The following HSDL2 variants were observed in gnomAD, a reference collection of about 807,000 sequenced individuals.
HSDL2 encodes the protein hydroxysteroid dehydrogenase-like protein 2.
In HSDL2, 27 loss-of-function variants were observed where a neutral mutation model predicts 46.3. That is an observed-to-expected ratio of 0.58 (90% confidence interval 0.43 to 0.80). The LOEUF is 0.80. Among genes scored for constraint, HSDL2 ranks in the 30% least tolerant of loss-of-function variants. The pLI is 0.00. For missense variants in HSDL2, 451 were observed against 502.7 expected (o/e 0.90, Z 0.98); for synonymous variants, 153 against 163.6 (o/e 0.94, Z 0.50).
At chr9:112,418,562 CAAA>C (rs59788116) in intron 5 of HSDL2, among the ~76,000 whole-genome samples, 6 of 127,726 alleles carry the variant, frequency 4.7e-5, no homozygotes, top group African/African-American at 5.7e-5. Flanking sequence ...CAGCCTGTCT[CAAA>C]AAAAAAAAAA....
At chr9:112,450,417 G>T (rs9886705) in intron 8 of HSDL2, among the ~76,000 whole-genome samples, 18 of 151,914 alleles carry the variant, frequency 1.2e-4, no homozygotes, top group Non-Finnish European at 1.5e-5. Flanking sequence ...ATCACCTGAG[G>T]TCGGGAGTTC....
intron 6 of HSDL2, among the ~76,000 whole-genome samples, chr9:112,424,509 G>T (rs73535991): frequency 0.018 from 2,689 of 151,740 alleles, 92 homozygotes; most frequent in African/African-American, 0.062. Flanking sequence ...TTACATCCTT[G>T]GTTTCCTTTT....
Position 112,418,953 on chromosome 9 carries a change from A to G in HSDL2, c.593A>G (p.Lys198Arg). Residue 198 changes from lysine to arginine, a missense_variant, in exon 6 of 11, where the codon AAA becomes AGA. Transcript: ENST00000398805. ...GEIAVNALWP[K>R]TAIHTAAMDM... is the part of the protein sequence containing the mutation. ...ATTGCAGTCAATGCATTATGGCCTAAAACAGGTATGTATTTTTAAAAACTT... is the reference window on the plus strand; with the variant it reads ...ATTGCAGTCAATGCATTATGGCCTAGAACAGGTATGTATTTTTAAAAACTT... The G allele has an allele frequency of 6.4e-7, 1 of 1,556,250 alleles. No individual in the cohort carries two copies. Among genetic ancestry groups the G allele is most frequent in the African/African-American group, 1.4e-5 (1 of 73,766 alleles).
In HSDL2 at chr9:112,394,728, CAGACTTGAGTTTCTAGATGG is replaced by C. The variant is rs145085413; in HGVS notation, c.18-9265_18-9246del. 7.7e-3 allele frequency among the ~76,000 whole-genome samples: 1,178 copies of C among 152,236 alleles called. 19 individuals are homozygous for C. The highest frequency in any genetic ancestry group is 0.027 in the African/African-American group (1,106 of 41,518). On this transcript the variant is annotated intron_variant, in intron 1 of 10. Transcript: ENST00000398805. The stretch of plus-strand genomic sequence containing the variant: ...TGATCTCTCCGGAAGGTAAGCAGCC[CAGACTTGAGTTTCTAGATGG>C]ATACAACCAGGTGGATGTCCGAGGC...
rs558549474 is a variant in HSDL2, at chr9:112,407,250, G to A, written c.280+1528G>A. On this transcript the variant is annotated intron_variant, in intron 3 of 10. Coordinates refer to ENST00000398805, the MANE Select transcript of HSDL2 (RefSeq NM_032303.5). ...GGGCGCTAAATGTGAAATGTGCCAC[G>A]CTCAAATGCAGGATATTTTATCTAA... Among the ~76,000 whole-genome samples the A allele has an allele frequency of 3.9e-5, 6 of 152,278 alleles. 1 individual carries two copies. In the South Asian group the frequency reaches 1.2e-3, roughly 32 times the overall value.
intron 6 of HSDL2, 45 bp downstream of exon 6, chr9:112,419,003 T>C (rs1832059895): frequency 1.0e-6 from 1 of 971,016 alleles, no homozygotes; most frequent in Middle Eastern, 2.3e-4. Context: ...TCATGTATTG[T>C]CCTTGACACT....
At chr9:112,438,853 TATAA>T in intron 7 of HSDL2, 3 of 218,710 alleles carry the variant, frequency 1.4e-5, no homozygotes, top group Non-Finnish European at 1.7e-5. Flanking sequence ...TATATATATA[TATAA>T]GCACAGAAAG....
At position 112,470,644 on chromosome 9, in the gene HSDL2, G is replaced by T. The variant is rs991243968; in HGVS notation, c.*100G>T. 9 of 631,706 alleles carry T rather than the reference G, an allele frequency of 1.4e-5. No homozygotes were observed. Among genetic ancestry groups the T allele is most frequent in the African/African-American group, 1.9e-5 (1 of 53,372 alleles). The allele number at this position is 631,706 out of a possible 1,614,324, so 39.1% of individuals were successfully genotyped here. On this transcript the variant is annotated 3_prime_UTR_variant, in exon 11 of 11. Coordinates refer to ENST00000398805, the MANE Select transcript of HSDL2 (RefSeq NM_032303.5). ...GTTTTCTTTCCTGTTATATTATAAG[G>T]ATATGCACGTTTGTTCTGGAAAAGA... is the stretch of plus-strand genomic sequence containing the variant.
chr9:112,428,821 G>A (rs937589193), intron 6 of HSDL2, among the ~76,000 whole-genome samples: 2 of 152,138 alleles, frequency 1.3e-5, no homozygotes, highest in African/African-American at 4.8e-5. Flanking sequence ...GAGTTAGGAA[G>A]TTAAAAAGGG....
intron 2 of HSDL2, among the ~76,000 whole-genome samples, chr9:112,405,291 G>A (rs951860083): frequency 2.0e-5 from 3 of 152,196 alleles, no homozygotes; most frequent in South Asian, 4.1e-4. Flanking sequence ...GATTGAGGCT[G>A]CAGTGAGCTG....
intron 1 of HSDL2, among the ~76,000 whole-genome samples, chr9:112,392,650 T>C (rs989712092): frequency 2.0e-5 from 3 of 152,226 alleles, no homozygotes; most frequent in Non-Finnish European, 4.4e-5. Flanking sequence ...TCTTTTTGCC[T>C]GACCCCACAG....
chr9:112,457,386 G>A (rs1049534845), intron 9 of HSDL2, among the ~76,000 whole-genome samples: 3 of 152,050 alleles, frequency 2.0e-5, no homozygotes, highest in East Asian at 1.9e-4. Flanking sequence ...AATTTTAAAC[G>A]TTGCCTGTAA....
intron 6 of HSDL2, among the ~76,000 whole-genome samples, chr9:112,429,275 T>C (rs903200594): frequency 6.6e-6 from 1 of 152,196 alleles, no homozygotes; most frequent in African/African-American, 2.4e-5. Context: ...CACTATTCAG[T>C]TGTTATGCAT....
Position 112,459,569 on chromosome 9 carries a change from T to G in HSDL2, c.1136T>G (p.Met379Arg), listed in dbSNP as rs1833141545. The stretch of plus-strand genomic sequence containing the variant: ...ATGACTACTGATGACTTTGTAAAAA[T>G]GTTTTCAGGTGAGTTTTCCAGTTTA... ...MSMTTDDFVKMFSGKLKPTMA... is the reference protein window; with the variant it reads ...MSMTTDDFVKRFSGKLKPTMA... The change falls in exon 10 of 11, where the codon ATG becomes AGG. Residue 379 changes from methionine to arginine, a missense_variant. Transcript: ENST00000398805. 6.2e-7 allele frequency: 1 copy of G among 1,613,390 alleles called. No individual in the cohort carries two copies.
chr9:112,439,154 C>T (rs1832590349), intron 7 of HSDL2, among the ~76,000 whole-genome samples: 1 of 152,198 alleles, frequency 6.6e-6, no homozygotes, highest in African/African-American at 2.4e-5. Flanking sequence ...GCATGTGCCA[C>T]CACACCTGGT....
chr9:112,463,388 G>A (rs1309397910), intron 10 of HSDL2, among the ~76,000 whole-genome samples: 4 of 151,522 alleles, frequency 2.6e-5, no homozygotes, highest in Non-Finnish European at 4.4e-5. Context: ...GATTACAGGC[G>A]AGAGCCACTG....
chr9:112,453,149 A>G (rs934729140), intron 8 of HSDL2, among the ~76,000 whole-genome samples: 1 of 152,180 alleles, frequency 6.6e-6, no homozygotes, highest in African/African-American at 2.4e-5. Context: ...GGGTCAATCC[A>G]TGGGTGAAAG....
At chr9:112,439,807 C>G (rs1005485265) in intron 7 of HSDL2, among the ~76,000 whole-genome samples, 2 of 152,234 alleles carry the variant, frequency 1.3e-5, no homozygotes, top group Non-Finnish European at 2.9e-5. Context: ...GAGAAGACAA[C>G]CCAGCTTCAT....
rs148249561 is a variant in HSDL2, at chr9:112,394,879, C to T, written c.18-9116C>T. Among the ~76,000 whole-genome samples the T allele has an allele frequency of 2.1e-3, 325 of 152,194 alleles. 3 individuals carry two copies. The highest frequency in any genetic ancestry group is 7.5e-3 in the African/African-American group (311 of 41,510). ...GTAGCTCCAGGCATATATACACTAT[C>T]GTTAGTATAGATTTCTGCAGGAGCA... is the stretch of plus-strand genomic sequence containing the variant. On this transcript the variant is annotated intron_variant, in intron 1 of 10. Coordinates refer to ENST00000398805, the MANE Select transcript of HSDL2 (RefSeq NM_032303.5).
Sources: gnomAD v4.1 joint callset for allele counts (sites outside exome capture counted in the v4.1 genomes callset) on GRCh38, gnomAD v4.1.1 for gene constraint, MANE v1.5 for transcripts, NCBI Gene and HGNC (gene_info 2026-07-23, HGNC 2026-07-21) for gene names.